Variants in USP30 observed in about 807,000 individuals in gnomAD.
The protein encoded by USP30 is ubiquitin specific peptidase 30, also known as ubiquitin carboxyl-terminal hydrolase 30.
In USP30, 41 loss-of-function variants were observed where a neutral mutation model predicts 68.2. The ratio of observed to expected loss-of-function variants is 0.60; its 90% confidence interval spans 0.47 to 0.78. The LOEUF (loss-of-function observed/expected upper bound fraction) is 0.78. USP30 is among the 30% of genes least tolerant of loss of function. The pLI is 0.00. For synonymous variants in USP30, 229 were observed against 253.7 expected, an observed-to-expected ratio of 0.90 and a Z score of 0.93; for missense variants, 522 against 649.4, an observed-to-expected ratio of 0.80 and a Z score of 2.13.
At chr12:109,085,593 G>A in intron 12 of USP30, 74 bp from the exon 13 acceptor site, 1 of 1,547,560 alleles carries the variant, frequency 6.5e-7, no homozygotes. Flanking sequence ...TTTAACATTA[G>A]CATTCTTTTG....
chr12:109,035,604 C>T (rs2040512922), intron 3 of USP30, among the ~76,000 whole-genome samples: 1 of 152,234 alleles, frequency 6.6e-6, no homozygotes, highest in African/African-American at 2.4e-5. Flanking sequence ...CCTAGTGATC[C>T]GCCCACCTCG....
rs7967322 is a variant in USP30 at position 109,073,451 on chromosome 12, T to C, written c.639T>C (p.Pro213=). The change falls in exon 7 of 13, where the codon CCT becomes CCC. Residue 213 remains proline (P), a synonymous_variant. Transcript: ENST00000257548. ...TTTGCATTCCAGGGTCACCTCACCC[T>C]ACATCCAATCACTGGAAGTCTCAAC... The part of the protein sequence containing the change: ...ITCRTRGSPH[P]TSNHWKSQHP... 1,318,416 of 1,613,122 alleles carry C rather than the reference T, an allele frequency of 0.82. 540,233 individuals are homozygous for C. The highest frequency in any genetic ancestry group is 0.97 in the East Asian group (43,423 of 44,888).
At chr12:109,078,114 C>T (rs549187770) in intron 7 of USP30, among the ~76,000 whole-genome samples, 1 of 152,172 alleles carries the variant, frequency 6.6e-6, no homozygotes, top group African/African-American at 2.4e-5. Flanking sequence ...GAGGAACCTC[C>T]TCCGTACAAT....
At chr12:109,085,099 CT>C in intron 12 of USP30, 26 bp downstream of exon 12, 1 of 1,498,864 alleles carries the variant, frequency 6.7e-7, no homozygotes, top group Non-Finnish European at 9.0e-7. Flanking sequence ...CAAGCCCCAT[CT>C]TAGAGCTACC....
Position 109,081,631 on chromosome 12 carries a change from A to ATG in USP30, c.780+238_780+239insTG, listed in dbSNP as rs1566105614. Reference sequence around the variant, plus strand: ...CACACGCACGCATGCGCGCACACACACACACACACACACACACACACACAC... The same window carrying ATG: ...CACACGCACGCATGCGCGCACACACATGCACACACACACACACACACACACAC... On this transcript the variant is annotated intron_variant, in intron 8 of 12. Coordinates refer to ENST00000257548, the MANE Select transcript of USP30 (RefSeq NM_032663.5). 5 of 392,912 alleles carry ATG rather than the reference A, an allele frequency of 1.3e-5. No individual in the cohort carries two copies. The African/African-American group carries it at 1.6e-4, about 13-fold the overall frequency. The allele number at this position is 392,912 out of a possible 1,614,324, so 24.3% of individuals were successfully genotyped here. A position where few individuals can be genotyped will look rare whatever the true frequency, so the allele number is the denominator to read the frequency against.
chr12:109,070,140 G>T lies in USP30; in HGVS notation c.481-1472G>T, dbSNP rs1593271997. ...TTGATCTGACTTGTTAGAAAAGGAAGGCTGGAGGGGCAAGAATGCAAGCCG... is the reference window on the plus strand; with the variant it reads ...TTGATCTGACTTGTTAGAAAAGGAATGCTGGAGGGGCAAGAATGCAAGCCG... On this transcript the variant is annotated intron_variant, in intron 4 of 12. Coordinates refer to ENST00000257548, the MANE Select transcript of USP30 (RefSeq NM_032663.5). The surrounding 1 kb of genome is among the most constrained non-coding windows in gnomAD (Gnocchi z 4.0). Among the ~76,000 whole-genome samples the T allele has an allele frequency of 6.6e-6, 1 of 152,228 alleles. No homozygotes were observed. Among genetic ancestry groups the T allele is most frequent in the East Asian group, 1.9e-4 (1 of 5,180 alleles).
chr12:109,082,683 GA>G lies in USP30; in HGVS notation c.890del (p.Asn297ThrfsTer16). On this transcript the variant is annotated frameshift_variant, in exon 10 of 13. Transcript: ENST00000257548. LOFTEE classifies it high-confidence loss of function. ...TTCAGATTGAAGCCAAGGGAACGTT[GA>G]ACGGGGAAAAGGTGGAACACCAGAG... Reference protein sequence around the residue: ...CTKIEAKGTLNGEKVEHQRTT... With the variant: ...CTKIEAKGTLXGEKVEHQRTT... 6.2e-7 allele frequency: 1 copy of G among 1,614,168 alleles called. No homozygotes were observed. Among genetic ancestry groups the G allele is most frequent in the Non-Finnish European group, 8.5e-7 (1 of 1,180,026 alleles).
intron 3 of USP30, among the ~76,000 whole-genome samples, chr12:109,061,817 G>GCTC (rs1203763705): frequency 2.6e-5 from 4 of 152,116 alleles, no homozygotes; most frequent in African/African-American, 9.7e-5. Flanking sequence ...ACTCAACCCT[G>GCTC]CTCCCCTCCA....
chr12:109,040,069 GT>G lies in USP30; in HGVS notation c.-135-7513del, dbSNP rs529180019. Among the ~76,000 whole-genome samples, 221 of 151,428 alleles carry G rather than the reference GT, an allele frequency of 1.5e-3. 3 individuals carry two copies. In the South Asian group the frequency reaches 0.021, roughly 14 times the overall value. The stretch of plus-strand genomic sequence containing the variant: ...TTTTCACATATATTAGAAAAATATT[GT>G]TTTTTTTCTACATGTGAAAACAGTT... On this transcript the variant is annotated intron_variant, in intron 3 of 15. Coordinates refer to the USP30 transcript ENST00000392784.
At chr12:109,069,495 C>G (rs1241419632) in intron 4 of USP30, among the ~76,000 whole-genome samples, 1 of 152,230 alleles carries the variant, frequency 6.6e-6, no homozygotes, top group Non-Finnish European at 1.5e-5. Context: ...TCTACTTCCA[C>G]TCTACAGCTG....
intron 3 of USP30, among the ~76,000 whole-genome samples, chr12:109,036,722 G>GTT (rs533379105): frequency 6.6e-6 from 1 of 150,834 alleles, no homozygotes; most frequent in African/African-American, 2.4e-5. Flanking sequence ...TGACAGCTTT[G>GTT]TTTTTTTTTA....
chr12:109,044,917 A>AC (rs2040591236), intron 3 of USP30, among the ~76,000 whole-genome samples: 1 of 147,892 alleles, frequency 6.8e-6, no homozygotes, highest in Non-Finnish European at 1.5e-5. Flanking sequence ...TATTAATCTG[A>AC]TGGGGGAAAA....
rs182108784 is a variant in USP30 at position 109,044,686 on chromosome 12, A to G, written c.-135-2904A>G. ...TGATTAAGATGACAAATTTTATGTT[A>G]TATGTACTTTGCCACAATAAAAAAA... is the stretch of plus-strand genomic sequence containing the variant. On this transcript the variant is annotated intron_variant, in intron 3 of 15. Transcript: ENST00000392784. 2.6e-5 allele frequency among the ~76,000 whole-genome samples: 4 copies of G among 152,248 alleles called. No individual in the cohort carries two copies. In the East Asian group the frequency reaches 7.7e-4, roughly 29 times the overall value.
intron 4 of USP30, among the ~76,000 whole-genome samples, chr12:109,069,005 T>C (rs2041346874): frequency 6.6e-6 from 1 of 152,262 alleles, no homozygotes; most frequent in South Asian, 2.1e-4. Flanking sequence ...TTGTGCAAAT[T>C]ACCTGATTTT....
chr12:109,033,343 G>C (rs2040495898), intron 3 of USP30, among the ~76,000 whole-genome samples: 1 of 152,222 alleles, frequency 6.6e-6, no homozygotes, highest in African/African-American at 2.4e-5. Context: ...TTGAAAGAAA[G>C]TTCATTGGCA....
intron 3 of USP30, among the ~76,000 whole-genome samples, chr12:109,034,527 G>T (rs2040505265): frequency 6.6e-6 from 1 of 152,160 alleles, no homozygotes; most frequent in Non-Finnish European, 1.5e-5. Context: ...ATGAGTTCAA[G>T]ACCAGCCTGG....
intron 3 of USP30, among the ~76,000 whole-genome samples, chr12:109,031,106 AC>A (rs1566074791): frequency 2.0e-5 from 3 of 152,326 alleles, no homozygotes; most frequent in East Asian, 3.9e-4. Context: ...CTAAAAAAAA[AC>A]ATACTTTTGA....
intron 3 of USP30, among the ~76,000 whole-genome samples, chr12:109,037,462 CT>C (rs1469034848): frequency 6.6e-6 from 1 of 152,068 alleles, no homozygotes; most frequent in African/African-American, 2.4e-5. Context: ...ATAGGCCTTA[CT>C]TTTTTTGTTT....
intron 3 of USP30, among the ~76,000 whole-genome samples, chr12:109,058,947 T>G (rs553154130): frequency 6.6e-6 from 1 of 152,328 alleles, no homozygotes; most frequent in South Asian, 2.1e-4. Flanking sequence ...GCCACTTTTC[T>G]GGAAAGCAGT....
Sources: gnomAD v4.1 joint callset for allele counts (sites outside exome capture counted in the v4.1 genomes callset) on GRCh38, gnomAD v4.1.1 for gene constraint, Gnocchi (gnomAD v3.1) non-coding constraint, MANE v1.5 for transcripts, NCBI Gene and HGNC (gene_info 2026-07-23, HGNC 2026-07-21) for gene names.